The following CCDC149 variants were observed in gnomAD, a reference collection of about 807,000 sequenced individuals.
CCDC149 encodes coiled-coil domain-containing protein 149.
In CCDC149, 45 loss-of-function variants were observed where a neutral mutation model predicts 59.9. The observed-to-expected ratio is 0.75, with a 90% CI of 0.59 to 0.96. CCDC149 has a LOEUF of 0.96. Ranked by LOEUF, CCDC149 falls within the 40% of genes least tolerant of loss-of-function variation. The pLI, the probability that CCDC149 is intolerant of heterozygous loss-of-function variation, is 0.00. For synonymous variants in CCDC149, 245 were observed against 260.6 expected (o/e 0.94, Z 0.58); for missense variants, 584 against 664.7 (o/e 0.88, Z 1.33).
At chr4:24,905,055 C>A (rs532324913) in intron 1 of CCDC149, among the ~76,000 whole-genome samples, 1 of 152,158 alleles carries the variant, frequency 6.6e-6, no homozygotes, top group African/African-American at 2.4e-5. Context: ...GTGCACACCA[C>A]CATGCCTGCC....
intron 4 of CCDC149, 68 bp downstream of exon 4, chr4:24,853,004 G>T: frequency 2.2e-6 from 2 of 926,562 alleles, no homozygotes; most frequent in Non-Finnish European, 3.4e-6. Flanking sequence ...TTTTTCCGAT[G>T]TGCAATATAT....
chr4:24,884,352 T>C (rs577586566), intron 1 of CCDC149, among the ~76,000 whole-genome samples: 2 of 152,346 alleles, frequency 1.3e-5, no homozygotes, highest in Admixed American at 6.5e-5. Flanking sequence ...AGCCATACCA[T>C]GTAGCCTCGG....
At position 24,912,989 on chromosome 4, in the gene CCDC149, G is replaced by GCGCCGCCGCCTCTGAGCCA; in HGVS notation, c.-111_-110insTGGCTCAGAGGCGGCGGCG. The GCGCCGCCGCCTCTGAGCCA allele has an allele frequency of 9.0e-6, 3 of 331,650 alleles. 1 individual carries two copies. The allele number at this position is 331,650 out of a possible 1,614,324, so 20.5% of individuals were successfully genotyped here. Reference sequence around the variant, plus strand: ...CGAGAGGGCCCGGCGCCTCCGAGCCGCTGCGCCGCCGCCTCTCGCGGCCGC... The same window carrying GCGCCGCCGCCTCTGAGCCA: ...CGAGAGGGCCCGGCGCCTCCGAGCCGCGCCGCCGCCTCTGAGCCACTGCGCCGCCGCCTCTCGCGGCCGC... On this transcript the variant is annotated 5_prime_UTR_variant, in exon 1 of 13. Transcript: ENST00000635206.
chr4:24,968,295 T>C (rs1723862523), intron 1 of CCDC149, among the ~76,000 whole-genome samples: 2 of 152,326 alleles, frequency 1.3e-5, no homozygotes, highest in South Asian at 2.1e-4. Flanking sequence ...CTAGCACCTG[T>C]ATATGCCGTC....
chr4:24,831,647 T>C lies in CCDC149; in HGVS notation c.824A>G (p.Gln275Arg). Residue 275 changes from glutamine to arginine, a missense_variant, in exon 9 of 13, where the codon CAG (glutamine) becomes CGG (arginine). Transcript: ENST00000635206. ...TCCATGATCCTCAGATAGCAGATCC[T>C]GAACTAGATAGGATACAAAATGTAT... 6.2e-7 allele frequency: 1 copy of C among 1,613,468 alleles called. No individual in the cohort carries two copies.
At chr4:24,934,718 G>A (rs1256055935) in intron 1 of CCDC149, among the ~76,000 whole-genome samples, 2 of 152,220 alleles carry the variant, frequency 1.3e-5, no homozygotes, top group Admixed American at 6.5e-5. Flanking sequence ...CCACAGCAAA[G>A]ATGGTCTAGA....
intron 1 of CCDC149, among the ~76,000 whole-genome samples, chr4:24,887,704 A>G (rs1210724063): frequency 4.0e-5 from 6 of 151,672 alleles, no homozygotes; most frequent in Non-Finnish European, 8.8e-5. Flanking sequence ...CTGCCCTGTG[A>G]TCTCTGGCAG....
intron 1 of CCDC149, among the ~76,000 whole-genome samples, chr4:24,945,529 C>T (rs1345236769): frequency 1.3e-5 from 2 of 152,082 alleles, no homozygotes; most frequent in East Asian, 3.9e-4. Context: ...CCTCCTGACA[C>T]CTTGATTTCA....
At chr4:24,805,204 G>A (rs1423733231), downstream of CCDC149, among the ~76,000 whole-genome samples, 1 of 152,176 alleles carries the variant, frequency 6.6e-6, no homozygotes, top group Non-Finnish European at 1.5e-5. Flanking sequence ...TAAGAGACCT[G>A]TCAGCTCTGT....
chr4:24,918,017 G>C (rs1255131959), upstream of CCDC149, among the ~76,000 whole-genome samples: 1 of 151,946 alleles, frequency 6.6e-6, no homozygotes, highest in East Asian at 1.9e-4. Flanking sequence ...GGCCAGAAGA[G>C]GGACTGACCC....
chr4:24,861,262 TGCACACACAC>T (rs1718363476), intron 3 of CCDC149, among the ~76,000 whole-genome samples: 2 of 3,042 alleles, frequency 6.6e-4, no homozygotes, highest in East Asian at 0.012. Flanking sequence ...TATATATATA[TGCACACACAC>T]ACACACACAC....
intron 12 of CCDC149, among the ~76,000 whole-genome samples, chr4:24,815,018 C>T (rs16876159): frequency 0.019 from 2,895 of 152,280 alleles, 71 homozygotes; most frequent in African/African-American, 0.064. Context: ...AGTAATATTC[C>T]TACCTTAAAT....
chr4:24,867,531 T>C (rs1303447898), intron 3 of CCDC149, among the ~76,000 whole-genome samples: 1 of 152,258 alleles, frequency 6.6e-6, no homozygotes, highest in African/African-American at 2.4e-5. Context: ...GGTATTGTTT[T>C]CTATCTATAC....
intron 3 of CCDC149, among the ~76,000 whole-genome samples, chr4:24,853,710 G>A (rs1373772390): frequency 6.6e-6 from 1 of 151,708 alleles, no homozygotes; most frequent in Admixed American, 6.6e-5. Context: ...TCATTTTCTT[G>A]TTTGGATAGC....
intron 8 of CCDC149, among the ~76,000 whole-genome samples, chr4:24,833,005 G>A (rs1332463133): frequency 6.6e-6 from 1 of 151,938 alleles, no homozygotes; most frequent in South Asian, 2.1e-4. Context: ...TGCTTCTCCC[G>A]CCGTCTTTTT....
At chr4:24,974,144 C>T (rs1724073725) in intron 1 of CCDC149, among the ~76,000 whole-genome samples, 1 of 152,342 alleles carries the variant, frequency 6.6e-6, no homozygotes, top group Non-Finnish European at 1.5e-5. Flanking sequence ...GGCACAGCTC[C>T]TTTTGACAGT....
intron 1 of CCDC149, among the ~76,000 whole-genome samples, chr4:24,897,190 G>A (rs190876583): frequency 3.8e-4 from 58 of 152,260 alleles, no homozygotes; most frequent in African/African-American, 1.3e-3. Flanking sequence ...CCTTGAGAGA[G>A]AAGTAAGAAA....
intron 1 of CCDC149, among the ~76,000 whole-genome samples, chr4:24,886,174 TA>T: frequency 6.6e-6 from 1 of 152,306 alleles, no homozygotes; most frequent in East Asian, 1.9e-4. Context: ...ACTGACATTC[TA>T]ACAAAGGAAT....
intron 12 of CCDC149, among the ~76,000 whole-genome samples, chr4:24,810,075 T>C (rs1222586706): frequency 6.6e-6 from 1 of 152,180 alleles, no homozygotes; most frequent in Non-Finnish European, 1.5e-5. Context: ...CTCCCAGCCA[T>C]GTCACGCACC....
Sources: allele counts gnomAD v4.1 joint callset (sites outside exome capture counted in the v4.1 genomes callset), GRCh38; gene constraint gnomAD v4.1.1; transcripts MANE v1.5; gene names NCBI Gene and HGNC (gene_info 2026-07-23, HGNC 2026-07-21).